Variants in CPA6 observed in about 807,000 individuals in gnomAD.
The protein encoded by CPA6 is carboxypeptidase B.
CPA6 carries 58 observed loss-of-function variants against 63.3 expected under a neutral mutation model. The observed-to-expected ratio is 0.92, with a 90% CI of 0.74 to 1.14. CPA6 has a LOEUF of 1.14. Among genes scored for constraint, CPA6 ranks in the 50% most tolerant of loss-of-function variants. CPA6 has a pLI of 0.00. For missense variants in CPA6, 565 were observed against 526.6 expected, an observed-to-expected ratio of 1.07 and a Z score of -0.71; for synonymous variants, 185 against 179.0, an observed-to-expected ratio of 1.03 and a Z score of -0.27.
chr8:67,428,267 T>G lies in CPA6; in HGVS notation c.1042-136A>C, dbSNP rs1344592269. 9.1e-6 allele frequency: 5 copies of G among 551,224 alleles called. No individual in the cohort carries two copies. In the African/African-American group the frequency reaches 9.6e-5, roughly 11 times the overall value. 34.1% of individuals were successfully genotyped at this position (551,224 alleles called of 1,614,324 possible). A position where few individuals can be genotyped will look rare whatever the true frequency, so the allele number is the denominator to read the frequency against. On this transcript the variant is annotated intron_variant, in intron 9 of 10. Coordinates refer to ENST00000297770, the MANE Select transcript of CPA6 (RefSeq NM_020361.5). ...ATCTATATTCATTAATAATATTATA[T>G]TACTCTTATGTCACACGCTACATTT...
At chr8:67,745,510 G>T (rs1280865504) in intron 1 of CPA6, among the ~76,000 whole-genome samples, 1 of 151,984 alleles carries the variant, frequency 6.6e-6, no homozygotes, top group Non-Finnish European at 1.5e-5. Flanking sequence ...TGCTTATTTT[G>T]AGTTGAATCA....
intron 1 of CPA6, among the ~76,000 whole-genome samples, chr8:67,627,729 A>G (rs1220026901): frequency 1.3e-5 from 2 of 152,238 alleles, no homozygotes; most frequent in Non-Finnish European, 2.9e-5. Flanking sequence ...TTATTAATCC[A>G]TGATATGCTT....
intron 1 of CPA6, among the ~76,000 whole-genome samples, chr8:67,631,645 G>C (rs1481370557): frequency 6.6e-6 from 1 of 152,224 alleles, no homozygotes; most frequent in Non-Finnish European, 1.5e-5. Context: ...TGAGCCAGCA[G>C]CGGCAACCCA....
intron 1 of CPA6, among the ~76,000 whole-genome samples, chr8:67,700,176 T>G (rs950649918): frequency 6.6e-6 from 1 of 152,238 alleles, no homozygotes; most frequent in African/African-American, 2.4e-5. Flanking sequence ...GGAGGTACTA[T>G]GTACAGGCCT....
intron 2 of CPA6, among the ~76,000 whole-genome samples, chr8:67,550,494 C>T (rs111408133): frequency 0.13 from 19,111 of 152,220 alleles, 1,739 homozygotes; most frequent in Admixed American, 0.28. Flanking sequence ...AATAGTGCTA[C>T]AATGAATATG....
chr8:67,703,932 T>TTTG (rs527699818), intron 1 of CPA6, among the ~76,000 whole-genome samples: 2 of 150,000 alleles, frequency 1.3e-5, no homozygotes, highest in East Asian at 2.0e-4. Context: ...CTGCTTTTTT[T>TTTG]TTGTTGTTGT....
At chr8:67,582,250 C>A (rs1419959445) in intron 2 of CPA6, among the ~76,000 whole-genome samples, 2 of 152,066 alleles carry the variant, frequency 1.3e-5, no homozygotes, top group African/African-American at 4.8e-5. Flanking sequence ...AGGTCAGTTC[C>A]AATATATATG....
intron 8 of CPA6, among the ~76,000 whole-genome samples, chr8:67,477,299 A>G: frequency 6.6e-6 from 1 of 151,372 alleles, no homozygotes; most frequent in Non-Finnish European, 1.5e-5. Context: ...CAAAAAAAAA[A>G]AAAAAAAAAA....
In CPA6 at chr8:67,517,997, A is replaced by C. The variant is rs765407602; in HGVS notation, c.243T>G (p.Val81=). Residue 81 remains valine (V), a synonymous_variant, in exon 3 of 11, where the codon GTT becomes GTG. Transcript: ENST00000297770. ...CATTTTGGGGGATATGGACATCAGT[A>C]ACTGTTCCCTCTGATACATAGGAGA... is the stretch of plus-strand genomic sequence containing the variant. The part of the protein sequence containing the change: ...SSISYVSEGT[V]TDVHIPQNGS... 2 of 1,613,160 alleles carry C rather than the reference A, an allele frequency of 1.2e-6. No individual in the cohort carries two copies. Among genetic ancestry groups the C allele is most frequent in the Admixed American group, 3.4e-5 (2 of 59,700 alleles).
intron 1 of CPA6, among the ~76,000 whole-genome samples, chr8:67,661,253 A>T (rs1816101706): frequency 6.6e-6 from 1 of 152,122 alleles, no homozygotes; most frequent in Admixed American, 6.5e-5. Flanking sequence ...TCAGGCAGGG[A>T]GAAGAGCAAA....
At chr8:67,744,147 A>G (rs536979871) in intron 1 of CPA6, among the ~76,000 whole-genome samples, 3 of 152,196 alleles carry the variant, frequency 2.0e-5, no homozygotes, top group Non-Finnish European at 4.4e-5. Context: ...TGAAGGTAGA[A>G]TTCCCCATTT....
At chr8:67,625,480 A>G (rs1369354302) in intron 1 of CPA6, among the ~76,000 whole-genome samples, 1 of 152,150 alleles carries the variant, frequency 6.6e-6, no homozygotes, top group East Asian at 1.9e-4. Context: ...GTAGGCTATC[A>G]ATTTTTAGGT....
intron 2 of CPA6, among the ~76,000 whole-genome samples, chr8:67,518,509 CT>C (rs71554610): frequency 0.13 from 16,696 of 129,622 alleles, 2,399 homozygotes; most frequent in African/African-American, 0.41. Flanking sequence ...CTTTTCTTTT[CT>C]TTTTTTTTTT....
At chr8:67,649,327 C>G (rs1346995326) in intron 1 of CPA6, among the ~76,000 whole-genome samples, 3 of 152,172 alleles carry the variant, frequency 2.0e-5, no homozygotes, top group African/African-American at 4.8e-5. Context: ...ACTGACTGAA[C>G]TAAAGAGTCT....
intron 6 of CPA6, among the ~76,000 whole-genome samples, chr8:67,501,962 G>T (rs1005384027): frequency 2.6e-5 from 4 of 152,188 alleles, no homozygotes; most frequent in African/African-American, 7.2e-5. Context: ...TAGGTAAGTT[G>T]TAGTAGTTGG....
At chr8:67,594,779 G>T (rs1465367468) in intron 2 of CPA6, among the ~76,000 whole-genome samples, 1 of 152,054 alleles carries the variant, frequency 6.6e-6, no homozygotes, top group East Asian at 1.9e-4. Flanking sequence ...TTATACATTT[G>T]TCTAAATTTT....
chr8:67,446,852 C>A (rs560976890), intron 8 of CPA6, among the ~76,000 whole-genome samples: 1 of 152,120 alleles, frequency 6.6e-6, no homozygotes, highest in Non-Finnish European at 1.5e-5. Flanking sequence ...ATGTTAAAAA[C>A]TGAGCGTAGT....
At chr8:67,475,478 C>T (rs547223909) in intron 8 of CPA6, among the ~76,000 whole-genome samples, 2 of 152,306 alleles carry the variant, frequency 1.3e-5, no homozygotes, top group Admixed American at 1.3e-4. Flanking sequence ...AAAAATGTTC[C>T]TGAGGGTACA....
chr8:67,632,177 T>TGC (rs760038105), intron 1 of CPA6, among the ~76,000 whole-genome samples: 249 of 142,988 alleles, frequency 1.7e-3, no homozygotes, highest in Non-Finnish European at 2.6e-3. Flanking sequence ...TGTGTGTGTG[T>TGC]GTGTGTTTTC....
Sources: allele counts gnomAD v4.1 joint callset (sites outside exome capture counted in the v4.1 genomes callset), GRCh38; gene constraint gnomAD v4.1.1; transcripts MANE v1.5; gene names NCBI Gene and HGNC (gene_info 2026-07-23, HGNC 2026-07-21).